Variants in MYT1 observed in about 807,000 individuals in gnomAD.
The protein encoded by MYT1 is myelin transcription factor 1.
MYT1 carries 23 observed loss-of-function variants against 123.0 expected under a neutral mutation model. The ratio of observed to expected loss-of-function variants is 0.19; its 90% CI spans 0.13 to 0.26. The LOEUF (loss-of-function observed/expected upper bound fraction) is 0.26, where lower values mean the gene tolerates loss of function less well. MYT1 is among the 10% of genes least tolerant of loss of function. The probability of loss-of-function intolerance (pLI) is 1.00; values close to 1 mark genes in which losing one functional copy is unlikely to be tolerated. For synonymous variants in MYT1, 518 were observed against 575.3 expected, an observed-to-expected ratio of 0.90 and a Z score of 1.43; for missense variants, 1,125 against 1,472.5, an observed-to-expected ratio of 0.76 and a Z score of 3.86.
chr20:64,217,395 T>A, intron 11 of MYT1, 114 bp downstream of exon 11: 1 of 1,166,120 alleles, frequency 8.6e-7, no homozygotes, highest in Non-Finnish European at 1.2e-6. Context: ...AGGGAAACTC[T>A]ACCCTCATGG....
chr20:64,184,448 G>T (rs1296384925), intron 1 of MYT1, among the ~76,000 whole-genome samples: 1 of 151,992 alleles, frequency 6.6e-6, no homozygotes, highest in African/African-American at 2.4e-5. Context: ...AATAGAGGGG[G>T]TTACTTCTGG....
chr20:64,219,004 T>C lies in MYT1; in HGVS notation c.1940T>C (p.Leu647Pro). The change falls in exon 12 of 23, where the codon CTC becomes CCC. Residue 647 changes from leucine to proline, a missense_variant. Transcript: ENST00000328439. ...CGCTGCTGGGAGATGCCTGAGAACCTCAGCACGAAGCCACAGGACCTCCCC... is the reference window on the plus strand; with the variant it reads ...CGCTGCTGGGAGATGCCTGAGAACCCCAGCACGAAGCCACAGGACCTCCCC... ...STRCWEMPEN[L>P]STKPQDLPSK... The C allele has an allele frequency of 6.2e-7, 1 of 1,613,646 alleles. No individual in the cohort carries two copies. The highest frequency in any genetic ancestry group is 8.5e-7 in the Non-Finnish European group (1 of 1,179,972).
At position 64,207,862 on chromosome 20, in the gene MYT1, G is replaced by C; in HGVS notation, c.666G>C (p.Glu222Asp). The change falls in exon 7 of 23, where the codon GAG becomes GAC. Residue 222 changes from glutamate (E) to aspartate (D), a missense_variant. Transcript: ENST00000328439. Reference sequence around the variant, plus strand: ...TCTTCATCCAGCCAGAGGATGCCGAGGAGGTCGTCGAAGTCACCACCGAGC... The same window carrying C: ...TCTTCATCCAGCCAGAGGATGCCGACGAGGTCGTCGAAGTCACCACCGAGC... ...KGLFIQPEDA[E>D]EVVEVTTERS... is the part of the protein sequence containing the mutation. 6.2e-7 allele frequency: 1 copy of C among 1,613,414 alleles called. No homozygotes were observed. Among genetic ancestry groups the C allele is most frequent in the Non-Finnish European group, 8.5e-7 (1 of 1,179,862 alleles).
At chr20:64,215,085 T>G (rs1436009372) in intron 10 of MYT1, among the ~76,000 whole-genome samples, 1 of 152,230 alleles carries the variant, frequency 6.6e-6, no homozygotes, top group Non-Finnish European at 1.5e-5. Context: ...TCACAATGGT[T>G]TGAAGCTGCT....
chr20:64,236,689 C>A, intron 20 of MYT1, 43 bp downstream of exon 20: 1 of 1,539,598 alleles, frequency 6.5e-7, no homozygotes, highest in Non-Finnish European at 9.0e-7. Context: ...GGCTGGGTGC[C>A]AGGGTAAGTG....
intron 19 of MYT1, among the ~76,000 whole-genome samples, chr20:64,233,126 CCTTCTCCCTCCTTTCCT>C (rs1459781116): frequency 5.0e-5 from 7 of 140,054 alleles, no homozygotes; most frequent in Middle Eastern, 3.6e-3. Flanking sequence ...CCTTCCCCTC[CCTTCTCCCTCCTTTCCT>C]CTTCTCCCTC....
intron 5 of MYT1, 95 bp from the exon 6 acceptor site, chr20:64,205,454 AAGGG>A: frequency 3.9e-6 from 6 of 1,519,748 alleles, no homozygotes; most frequent in South Asian, 2.6e-5. Context: ...GTCTGTGGGG[AAGGG>A]AGGGAGGGAG....
At chr20:64,216,081 G>A (rs998133876) in intron 10 of MYT1, among the ~76,000 whole-genome samples, 2 of 152,204 alleles carry the variant, frequency 1.3e-5, no homozygotes, top group Admixed American at 1.3e-4. Context: ...GGGCTGGCCT[G>A]GTGGTCCTCT....
chr20:64,230,666 C>A (rs921840051), intron 18 of MYT1, among the ~76,000 whole-genome samples: 2 of 152,236 alleles, frequency 1.3e-5, no homozygotes, highest in African/African-American at 4.8e-5. Flanking sequence ...GGGCCATCCC[C>A]ATCAGAGGGG....
chr20:64,198,907 G>T lies in MYT1; in HGVS notation c.46G>T (p.Ala16Ser), dbSNP rs370968419. ...EDKRARTRSK[A>S]LRGPPETTAA... Reference sequence around the variant, plus strand: ...CAAGCGAGCTCGCACCCGATCCAAGGCCCTGCGAGGTGAGTGCCGCCCTCC... The same window carrying T: ...CAAGCGAGCTCGCACCCGATCCAAGTCCCTGCGAGGTGAGTGCCGCCCTCC... The change falls in exon 3 of 23, where the codon GCC becomes TCC. Residue 16 changes from alanine (A) to serine (S), a missense_variant. Around this residue, in one of 4 missense-constraint regions of MYT1, gnomAD observed 406 missense variants for 432.2 expected, o/e 0.94. Coordinates refer to ENST00000328439, the MANE Select transcript of MYT1 (RefSeq NM_004535.3). 1 of 1,613,938 alleles carries T rather than the reference G, an allele frequency of 6.2e-7. No individual in the cohort carries two copies. The highest frequency in any genetic ancestry group is 8.5e-7 in the Non-Finnish European group (1 of 1,179,946).
intron 18 of MYT1, among the ~76,000 whole-genome samples, chr20:64,230,437 C>T (rs1458053998): frequency 1.3e-5 from 2 of 152,316 alleles, no homozygotes; most frequent in Non-Finnish European, 1.5e-5. Context: ...CGCTTGAAGC[C>T]GGGAGGCGGA....
At chr20:64,240,024 CT>C in intron 22 of MYT1, 121 bp downstream of exon 22, 6 of 1,428,754 alleles carry the variant, frequency 4.2e-6, no homozygotes, top group Non-Finnish European at 4.7e-6. Flanking sequence ...GCCCTGTGCC[CT>C]TGTGGAGATT....
At position 64,231,146 on chromosome 20, in the gene MYT1, G is replaced by T. The variant is rs1022734619; in HGVS notation, c.2676-1018G>T. 2.6e-5 allele frequency among the ~76,000 whole-genome samples: 4 copies of T among 152,198 alleles called. No individual in the cohort carries two copies. Among genetic ancestry groups the T allele is most frequent in the Admixed American group, 6.5e-5 (1 of 15,286 alleles). ...AATGGAGCCATGGTGACCTCTCGGG[G>T]TCTTGTGTTGCCAGGTAATCAGCAC... On this transcript the variant is annotated intron_variant, in intron 18 of 22. Transcript: ENST00000328439. This position sits in a 1 kb window ranked among gnomAD's most constrained non-coding sequence, Gnocchi z 6.4.
chr20:64,197,627 C>G lies in MYT1; in HGVS notation c.1-1235C>G, dbSNP rs574191921. On this transcript the variant is annotated intron_variant, in intron 2 of 22. Coordinates refer to ENST00000328439, the MANE Select transcript of MYT1 (RefSeq NM_004535.3). ...CTGTCCGGCTAGAGGTGCCCTCCCC[C>G]GCCTGGTGTGGCTCCCCGGGAAGGA... Among the ~76,000 whole-genome samples the G allele has an allele frequency of 5.0e-4, 76 of 152,360 alleles. 1 individual carries two copies. In the South Asian group the frequency reaches 0.013, roughly 25 times the overall value.
chr20:64,219,092 G>A, intron 12 of MYT1, 57 bp downstream of exon 12: 1 of 1,548,414 alleles, frequency 6.5e-7, no homozygotes. Flanking sequence ...GGAATTTGCA[G>A]TCAGGCCCAC....
At chr20:64,206,792 T>A (rs1385500902) in intron 6 of MYT1, among the ~76,000 whole-genome samples, 2 of 152,170 alleles carry the variant, frequency 1.3e-5, no homozygotes, top group Non-Finnish European at 2.9e-5. Context: ...GACTTTCCCC[T>A]CCGAAGTAGG....
chr20:64,194,682 C>T (rs530656523), intron 2 of MYT1, among the ~76,000 whole-genome samples: 21 of 152,104 alleles, frequency 1.4e-4, no homozygotes, highest in Non-Finnish European at 2.5e-4. Flanking sequence ...AGAGGGAGTC[C>T]GTGAGTGAGT....
chr20:64,184,983 C>T (rs888334299), intron 1 of MYT1, among the ~76,000 whole-genome samples: 1 of 152,132 alleles, frequency 6.6e-6, no homozygotes, highest in Admixed American at 6.6e-5. Flanking sequence ...TCTAGTGGGC[C>T]CTCACGTGCC....
intron 1 of MYT1, among the ~76,000 whole-genome samples, chr20:64,182,626 G>C (rs541345448): frequency 6.6e-6 from 1 of 152,164 alleles, no homozygotes; most frequent in Non-Finnish European, 1.5e-5. Flanking sequence ...GGCCTGTCTC[G>C]TGTCACTCGC....
Sources: gnomAD v4.1 joint callset for allele counts (sites outside exome capture counted in the v4.1 genomes callset) on GRCh38, gnomAD v4.1.1 for gene constraint, gnomAD v4.1.1 regional missense constraint, Gnocchi (gnomAD v3.1) non-coding constraint, MANE v1.5 for transcripts, NCBI Gene and HGNC (gene_info 2026-07-23, HGNC 2026-07-21) for gene names.